The following IPP variants were observed in gnomAD, a reference collection of about 807,000 sequenced individuals.
The protein encoded by IPP is intracisternal A particle-promoted polypeptide.
IPP carries 41 observed loss-of-function variants against 64.1 expected under a neutral mutation model. The observed-to-expected ratio is 0.64, with a 90% confidence interval of 0.50 to 0.83. The LOEUF is 0.83. IPP is among the 40% of genes least tolerant of loss of function. The pLI is 0.00. For synonymous variants in IPP, 214 were observed against 235.2 expected (o/e 0.91, Z 0.83); for missense variants, 649 against 703.0 (o/e 0.92, Z 0.87).
At chr1:45,707,104 C>T (rs535704625) in intron 8 of IPP, among the ~76,000 whole-genome samples, 1 of 152,226 alleles carries the variant, frequency 6.6e-6, no homozygotes, top group African/African-American at 2.4e-5. Flanking sequence ...GATACATATC[C>T]AAACATGACA....
chr1:45,731,342 G>A (rs1173196407), intron 3 of IPP, among the ~76,000 whole-genome samples: 1 of 152,170 alleles, frequency 6.6e-6, no homozygotes, highest in Non-Finnish European at 1.5e-5. Context: ...TCTGGAGGCT[G>A]AGGAGGGAGG....
At chr1:45,703,804 T>TAAC (rs1398213942) in intron 8 of IPP, among the ~76,000 whole-genome samples, 1 of 152,216 alleles carries the variant, frequency 6.6e-6, no homozygotes, top group Non-Finnish European at 1.5e-5. Flanking sequence ...TCCCAGCACT[T>TAAC]AACACATTGT....
intron 8 of IPP, among the ~76,000 whole-genome samples, chr1:45,709,336 G>A (rs1441656299): frequency 2.0e-5 from 3 of 149,278 alleles, no homozygotes; most frequent in Non-Finnish European, 4.4e-5. Context: ...GGGAGGCTGA[G>A]GCAGGAGAAT....
chr1:45,711,645 G>A (rs980754895), intron 8 of IPP, among the ~76,000 whole-genome samples: 4 of 151,690 alleles, frequency 2.6e-5, no homozygotes, highest in African/African-American at 7.3e-5. Context: ...TCCCAGCTAC[G>A]TGGGTGGTTG....
chr1:45,702,323 C>A (rs79493739), intron 8 of IPP, among the ~76,000 whole-genome samples: 1 of 150,002 alleles, frequency 6.7e-6, no homozygotes, highest in Admixed American at 6.6e-5. Flanking sequence ...AAAAAAAAAA[C>A]TCTGTAAGAA....
chr1:45,728,191 T>C (rs866076366), intron 4 of IPP, among the ~76,000 whole-genome samples: 2 of 151,082 alleles, frequency 1.3e-5, no homozygotes, highest in Admixed American at 6.6e-5. Flanking sequence ...AGGGTTTCAC[T>C]CTGTCACCCA....
At chr1:45,734,144 A>G (rs1343156121) in intron 3 of IPP, among the ~76,000 whole-genome samples, 1 of 152,134 alleles carries the variant, frequency 6.6e-6, no homozygotes, top group Admixed American at 6.6e-5. Context: ...ACACAAAAAA[A>G]GGAGTGGAAA....
intron 6 of IPP, among the ~76,000 whole-genome samples, chr1:45,717,576 G>T (rs1645678093): frequency 1.3e-5 from 2 of 151,690 alleles, no homozygotes; most frequent in Non-Finnish European, 2.9e-5. Flanking sequence ...TGCAATCTCG[G>T]CTCAGGCTCA....
At chr1:45,727,309 A>G (rs780300175) in intron 5 of IPP, among the ~76,000 whole-genome samples, 15 of 152,148 alleles carry the variant, frequency 9.9e-5, no homozygotes, top group Non-Finnish European at 1.8e-4. Flanking sequence ...CTTGGCTTCC[A>G]AAAGTTCTGG....
At chr1:45,747,246 A>G (rs1308994015) in intron 1 of IPP, among the ~76,000 whole-genome samples, 7 of 152,176 alleles carry the variant, frequency 4.6e-5, no homozygotes, top group Admixed American at 3.9e-4. Flanking sequence ...AATGAGAACA[A>G]GGAGAAATAA....
chr1:45,715,507 G>C (rs964387166), intron 7 of IPP, among the ~76,000 whole-genome samples: 15 of 151,910 alleles, frequency 9.9e-5, no homozygotes, highest in Admixed American at 2.0e-4. Context: ...CAGGTGTGGT[G>C]GTGGGCGCCT....
intron 8 of IPP, among the ~76,000 whole-genome samples, 158 bp from the exon 9 acceptor site, chr1:45,700,348 G>A (rs1189066182): frequency 6.6e-6 from 1 of 150,604 alleles, no homozygotes; most frequent in Non-Finnish European, 1.5e-5. Flanking sequence ...TTTTTGCTTT[G>A]TTTTTTCCTT....
At chr1:45,727,899 C>T (rs1645853008) in intron 4 of IPP, 101 bp from the exon 5 acceptor site, 1 of 856,508 alleles carries the variant, frequency 1.2e-6, no homozygotes, top group Non-Finnish European at 1.7e-6. Context: ...TTAGAAATTA[C>T]TTTCTCTATA....
chr1:45,701,701 C>A (rs578101880), intron 8 of IPP, among the ~76,000 whole-genome samples: 1 of 152,286 alleles, frequency 6.6e-6, no homozygotes, highest in African/African-American at 2.4e-5. Flanking sequence ...AATGGGAGAA[C>A]AGATTATCAA....
At chr1:45,732,985 A>C (rs1207650386) in intron 3 of IPP, among the ~76,000 whole-genome samples, 1 of 152,142 alleles carries the variant, frequency 6.6e-6, no homozygotes, top group Non-Finnish European at 1.5e-5. Flanking sequence ...TAAAGTATTT[A>C]GAAATTTCAC....
intron 7 of IPP, among the ~76,000 whole-genome samples, chr1:45,716,669 A>AT (rs1645663542): frequency 6.6e-6 from 1 of 152,210 alleles, no homozygotes; most frequent in Non-Finnish European, 1.5e-5. Context: ...CTTACTTACA[A>AT]TTTTTAATTC....
Position 45,748,462 on chromosome 1 carries a change from G to A in IPP, c.-50-2001C>T, listed in dbSNP as rs976813633. On this transcript the variant is annotated intron_variant, in intron 1 of 8. Transcript: ENST00000396478. The stretch of plus-strand genomic sequence containing the variant: ...GCAGGCAGATCGCTTGAGTCCAGGA[G>A]TTTGAGACCAGTCTGGGCAACATGG... Among the ~76,000 whole-genome samples the A allele has an allele frequency of 7.2e-5, 11 of 152,108 alleles. No individual in the cohort carries two copies. The South Asian group carries it at 8.3e-4, about 11-fold the overall frequency.
chr1:45,747,126 G>C (rs555697123), intron 1 of IPP, among the ~76,000 whole-genome samples: 2 of 151,100 alleles, frequency 1.3e-5, no homozygotes, highest in South Asian at 2.1e-4. Flanking sequence ...ACGAGCGCGC[G>C]CGCGCGCTTC....
downstream of IPP, chr1:45,694,711 G>A (rs1645371986): frequency 5.9e-6 from 3 of 509,330 alleles, no homozygotes; most frequent in African/African-American, 1.9e-5. Flanking sequence ...TTTTTATTAG[G>A]ATATTTGGCA....
Sources: gnomAD v4.1 joint callset for allele counts (sites outside exome capture counted in the v4.1 genomes callset) on GRCh38, gnomAD v4.1.1 for gene constraint, MANE v1.5 for transcripts, NCBI Gene and HGNC (gene_info 2026-07-23, HGNC 2026-07-21) for gene names.